The following SFMBT2 variants were observed in gnomAD, a reference collection of about 807,000 sequenced individuals.
SFMBT2 encodes Scm like with four mbt domains 2.
A neutral mutation model predicts 110.1 loss-of-function variants in SFMBT2; 38 were observed. That is an observed-to-expected ratio of 0.35 (90% CI 0.27 to 0.45). The LOEUF is 0.45. Ranked by LOEUF, SFMBT2 falls within the 20% of genes least tolerant of loss-of-function variation. The probability of loss-of-function intolerance (pLI) is 1.00; values close to 1 mark genes in which losing one functional copy is unlikely to be tolerated. For synonymous variants in SFMBT2, 425 were observed against 425.4 expected (o/e 1.00, Z 0.01); for missense variants, 1,011 against 1,094.9 (o/e 0.92, Z 1.08).
chr10:7,325,250 G>C (rs1387528733), intron 4 of SFMBT2, among the ~76,000 whole-genome samples: 1 of 152,050 alleles, frequency 6.6e-6, no homozygotes, highest in African/African-American at 2.4e-5. Context: ...TTACACGCCT[G>C]AGCCACCGCG....
At chr10:7,241,001 G>A (rs987733170) in intron 9 of SFMBT2, among the ~76,000 whole-genome samples, 2 of 152,066 alleles carry the variant, frequency 1.3e-5, no homozygotes, top group African/African-American at 4.8e-5. Flanking sequence ...CACATGTCAC[G>A]GGAGGAACCT....
chr10:7,366,677 C>T (rs1054539508), intron 4 of SFMBT2, among the ~76,000 whole-genome samples: 1 of 152,168 alleles, frequency 6.6e-6, no homozygotes, highest in Admixed American at 6.5e-5. Context: ...TGTAGAGATT[C>T]ACGTAATTAG....
At chr10:7,246,464 T>C (rs1462222013) in intron 8 of SFMBT2, among the ~76,000 whole-genome samples, 1 of 152,016 alleles carries the variant, frequency 6.6e-6, no homozygotes, top group Non-Finnish European at 1.5e-5. Flanking sequence ...CTCACGCCTA[T>C]AATCCCAGCA....
At chr10:7,288,080 T>C (rs956930763) in intron 4 of SFMBT2, among the ~76,000 whole-genome samples, 2 of 152,260 alleles carry the variant, frequency 1.3e-5, no homozygotes, top group Non-Finnish European at 2.9e-5. Context: ...TGGTTATTGA[T>C]TATTCATACC....
At chr10:7,288,860 C>CG (rs1468590717) in intron 4 of SFMBT2, among the ~76,000 whole-genome samples, 27 of 150,146 alleles carry the variant, frequency 1.8e-4, no homozygotes, top group South Asian at 1.7e-3. Flanking sequence ...GAAACCCCCC[C>CG]CCCCATCTCC....
chr10:7,377,574 G>A (rs1460015868), intron 2 of SFMBT2, among the ~76,000 whole-genome samples: 1 of 152,180 alleles, frequency 6.6e-6, no homozygotes, highest in Non-Finnish European at 1.5e-5. Context: ...TGGGGGTGAT[G>A]GGAGACAGTG....
chr10:7,404,154 C>T (rs960392643), intron 1 of SFMBT2, among the ~76,000 whole-genome samples: 1 of 152,114 alleles, frequency 6.6e-6, no homozygotes, highest in Non-Finnish European at 1.5e-5. Flanking sequence ...TTGGAGTAAA[C>T]AGGTAATTTC....
At chr10:7,176,540 A>T in intron 16 of SFMBT2, 1 of 984,568 alleles carries the variant, frequency 1.0e-6, no homozygotes, top group South Asian at 4.7e-5. Context: ...ATCATATTTC[A>T]TTTTTGAAAA....
chr10:7,386,632 T>C (rs982402000), intron 1 of SFMBT2, among the ~76,000 whole-genome samples: 3 of 152,064 alleles, frequency 2.0e-5, no homozygotes, highest in Non-Finnish European at 2.9e-5. Context: ...CCACTGGTCA[T>C]TGGTTAGGTG....
intron 1 of SFMBT2, among the ~76,000 whole-genome samples, chr10:7,385,354 G>A (rs1035525532): frequency 2.6e-5 from 4 of 152,198 alleles, no homozygotes; most frequent in African/African-American, 2.4e-5. Context: ...GCGGAGGGTG[G>A]CAGCCCACTG....
At chr10:7,218,981 A>G (rs925859834) in intron 11 of SFMBT2, among the ~76,000 whole-genome samples, 2 of 152,256 alleles carry the variant, frequency 1.3e-5, no homozygotes, top group Non-Finnish European at 2.9e-5. Context: ...AATGACTGCA[A>G]AAGAATTTTA....
intron 4 of SFMBT2, among the ~76,000 whole-genome samples, chr10:7,308,705 T>C (rs1284456165): frequency 6.6e-6 from 1 of 152,198 alleles, no homozygotes; most frequent in Non-Finnish European, 1.5e-5. Context: ...CAGCGGCTAT[T>C]ACTTGATGTA....
chr10:7,352,335 T>C (rs1306223966), intron 4 of SFMBT2, among the ~76,000 whole-genome samples: 2 of 152,160 alleles, frequency 1.3e-5, no homozygotes, highest in East Asian at 1.9e-4. Flanking sequence ...AGCATAAAGA[T>C]ATTTTGAGAC....
At chr10:7,295,955 A>C (rs1485951009) in intron 4 of SFMBT2, among the ~76,000 whole-genome samples, 1 of 152,256 alleles carries the variant, frequency 6.6e-6, no homozygotes, top group African/African-American at 2.4e-5. Flanking sequence ...AGAAGATCTT[A>C]GCACTAGAAA....
chr10:7,211,178 G>GT (rs1839337713), intron 11 of SFMBT2, among the ~76,000 whole-genome samples: 1 of 151,882 alleles, frequency 6.6e-6, no homozygotes, highest in Non-Finnish European at 1.5e-5. Flanking sequence ...TTCCTTCCTC[G>GT]TTTTTATTTC....
Position 7,171,611 on chromosome 10 carries a change from G to T in SFMBT2, c.2415+284C>A. ...ATTTCTGGAAACCCAGACTTCAAAG[G>T]AAACTGAGGACTGTGCCCTCCTCCT... On this transcript the variant is annotated intron_variant, in intron 19 of 20. Transcript: ENST00000397167. The surrounding 1 kb of genome is among the most constrained non-coding windows in gnomAD (Gnocchi z 4.9). The T allele has an allele frequency of 2.0e-6, 2 of 976,288 alleles. No homozygotes were observed. Among genetic ancestry groups the T allele is most frequent in the South Asian group, 9.5e-5 (2 of 21,084 alleles). The allele number at this position is 976,288 out of a possible 1,614,324, so 60.5% of individuals were successfully genotyped here.
At chr10:7,178,030 G>C (rs1305503536) in intron 16 of SFMBT2, among the ~76,000 whole-genome samples, 1 of 152,206 alleles carries the variant, frequency 6.6e-6, no homozygotes, top group Non-Finnish European at 1.5e-5. Flanking sequence ...TAGGCCTCCA[G>C]AGCACTGAGA....
At chr10:7,272,159 T>C (rs923058451) in intron 7 of SFMBT2, among the ~76,000 whole-genome samples, 8 of 151,718 alleles carry the variant, frequency 5.3e-5, no homozygotes, top group Non-Finnish European at 1.0e-4. Context: ...TACCCTAGAG[T>C]CCAAACAACA....
chr10:7,317,753 G>A lies in SFMBT2; in HGVS notation c.437-31799C>T, dbSNP rs1032924305. On this transcript the variant is annotated intron_variant, in intron 4 of 20. Transcript: ENST00000397167. ...GAGTCAGATCCTTGTGTGAACCTGCGTAAGGAAAACACTAATTTATGTAAC... is the reference window on the plus strand; with the variant it reads ...GAGTCAGATCCTTGTGTGAACCTGCATAAGGAAAACACTAATTTATGTAAC... 7.9e-5 allele frequency among the ~76,000 whole-genome samples: 12 copies of A among 151,718 alleles called. No homozygotes were observed. The East Asian group carries it at 1.2e-3, about 15-fold the overall frequency.
Sources: allele counts gnomAD v4.1 joint callset (sites outside exome capture counted in the v4.1 genomes callset), GRCh38; gene constraint gnomAD v4.1.1; non-coding constraint Gnocchi (gnomAD v3.1); transcripts MANE v1.5; gene names NCBI Gene and HGNC (gene_info 2026-07-23, HGNC 2026-07-21).